CHD7: variants seen among roughly 807,000 people sequenced by gnomAD.
CHD7 encodes the protein chromodomain helicase DNA binding protein 7, also known as ATP-dependent chromatin remodeler CHD7.
Under a neutral mutation model 307.3 loss-of-function variants are expected in CHD7, and 24 were observed. The ratio of observed to expected loss-of-function variants is 0.08; its 90% CI spans 0.06 to 0.11. The LOEUF (loss-of-function observed/expected upper bound fraction) is 0.11. Ranked by LOEUF, CHD7 falls within the 10% of genes least tolerant of loss-of-function variation. CHD7 has a pLI of 1.00. For missense variants in CHD7, 3,106 were observed against 3,727.1 expected (o/e 0.83, Z 4.34); for synonymous variants, 1,363 against 1,349.9 (o/e 1.01, Z -0.21).
chr8:60,794,899 T>G, intron 3 of CHD7, 87 bp from the exon 4 acceptor site: 1 of 1,228,394 alleles, frequency 8.1e-7, no homozygotes, highest in Non-Finnish European at 1.1e-6. Context: ...TTGTCATTGA[T>G]ACTTTTGGGA....
chr8:60,737,628 T>C (rs550691996), intron 1 of CHD7, among the ~76,000 whole-genome samples: 1 of 152,226 alleles, frequency 6.6e-6, no homozygotes, highest in African/African-American at 2.4e-5. Context: ...CACATGCATC[T>C]TCTGAACTGT....
chr8:60,780,963 T>A (rs756830196), intron 2 of CHD7, 37 bp from the exon 3 acceptor site: 1 of 1,482,070 alleles, frequency 6.7e-7, no homozygotes, highest in African/African-American at 1.4e-5. Flanking sequence ...CTGTGAAGAA[T>A]GATAAACTAA....
Position 60,816,109 on chromosome 8 carries a change from G to GTCTCTCTC in CHD7, c.2499-275_2499-274insCTCTCTCT, listed in dbSNP as rs1175311453. Among the ~76,000 whole-genome samples, 100 of 67,042 alleles carry GTCTCTCTC rather than the reference G, an allele frequency of 1.5e-3. 1 individual carries two copies. The highest frequency in any genetic ancestry group is 2.0e-3 in the South Asian group (3 of 1,514). 44.0% of individuals were successfully genotyped at this position (67,042 alleles called of 152,430 possible). ...CTCTGTCTCTTTTGTCTGTCTGTCTGTCTGTCTCTCTCTCTCTCTCTCTCT... is the reference window on the plus strand; with the variant it reads ...CTCTGTCTCTTTTGTCTGTCTGTCTGTCTCTCTCTCTGTCTCTCTCTCTCTCTCTCTCT... On this transcript the variant is annotated intron_variant, in intron 7 of 37. Coordinates refer to ENST00000423902, the MANE Select transcript of CHD7 (RefSeq NM_017780.4).
chr8:60,771,076 G>A (rs575811221), intron 2 of CHD7, among the ~76,000 whole-genome samples: 1 of 152,318 alleles, frequency 6.6e-6, no homozygotes, highest in East Asian at 1.9e-4. Context: ...CTGGTTGTCT[G>A]GAACAGTGCT....
At chr8:60,766,680 G>A (rs1482900281) in intron 2 of CHD7, among the ~76,000 whole-genome samples, 2 of 152,224 alleles carry the variant, frequency 1.3e-5, no homozygotes, top group Non-Finnish European at 2.9e-5. Context: ...AAGACTAAGT[G>A]AAGGGTCAAG....
intron 1 of CHD7, among the ~76,000 whole-genome samples, chr8:60,709,993 A>T (rs1199167946): frequency 1.3e-5 from 2 of 152,040 alleles, no homozygotes; most frequent in East Asian, 1.9e-4. Context: ...TTATTTTTTT[A>T]AATTTCAGAT....
chr8:60,824,107 A>G (rs1433462379), intron 13 of CHD7, 91 bp downstream of exon 13: 3 of 1,102,812 alleles, frequency 2.7e-6, no homozygotes, highest in Non-Finnish European at 4.0e-6. Context: ...GCCTGTAAAC[A>G]GTATTTGAAA....
At position 60,841,858 on chromosome 8, in the gene CHD7, T is replaced by C. The variant is rs781715615; in HGVS notation, c.4656T>C (p.Val1552=). The C allele has an allele frequency of 3.7e-6, 6 of 1,607,850 alleles. 1 individual carries two copies. Among genetic ancestry groups the C allele is most frequent in the Middle Eastern group, 1.7e-4 (1 of 6,050 alleles). ...IDALNGRNNL[V]IDTPRVRKQT... ...TCTTTTATTATTAGAACAACCTGGT[T>C]ATTGATACTCCAAGAGTGAGAAAGC... is the stretch of plus-strand genomic sequence containing the variant. Residue 1552 remains valine, a synonymous_variant, in exon 21 of 38, where the codon GTT becomes GTC. Transcript: ENST00000423902.
In CHD7 at chr8:60,854,322, A is replaced by G. The variant is rs751649220; in HGVS notation, c.6776-41A>G. ...TCCTTTCTAAACTTCAGTTTCCCTG[A>G]TACTGTGGTTGTGAGTAATGCACAT... is the stretch of plus-strand genomic sequence containing the variant. On this transcript the variant is annotated intron_variant, in intron 31 of 37. Transcript: ENST00000423902. 6 of 1,586,836 alleles carry G rather than the reference A, an allele frequency of 3.8e-6. No individual in the cohort carries two copies. In the South Asian group the frequency reaches 4.5e-5, roughly 12 times the overall value.
intron 4 of CHD7, among the ~76,000 whole-genome samples, chr8:60,799,304 G>A (rs1455007995): frequency 1.3e-5 from 2 of 152,188 alleles, no homozygotes; most frequent in Non-Finnish European, 2.9e-5. Context: ...TTTAAGTTTT[G>A]ATAGATAGGA....
At chr8:60,718,031 T>C (rs1044521484) in intron 1 of CHD7, among the ~76,000 whole-genome samples, 4 of 152,176 alleles carry the variant, frequency 2.6e-5, no homozygotes, top group Non-Finnish European at 5.9e-5. Flanking sequence ...GGCATTGTTA[T>C]CATAGGAGAT....
intron 2 of CHD7, among the ~76,000 whole-genome samples, chr8:60,768,510 A>T (rs1251812493): frequency 6.6e-6 from 1 of 152,186 alleles, no homozygotes; most frequent in Non-Finnish European, 1.5e-5. Context: ...GCCCAGTGTT[A>T]GGGCCATCTG....
chr8:60,726,813 A>G (rs1340674007), intron 1 of CHD7, among the ~76,000 whole-genome samples: 1 of 152,098 alleles, frequency 6.6e-6, no homozygotes, highest in Non-Finnish European at 1.5e-5. Context: ...ATCAGAGTGG[A>G]AGCACATCCA....
chr8:60,819,249 A>C (rs1050870592), intron 8 of CHD7, among the ~76,000 whole-genome samples: 3 of 152,120 alleles, frequency 2.0e-5, no homozygotes, highest in African/African-American at 7.2e-5. Flanking sequence ...CACTGTGCCC[A>C]GCCTATAACT....
chr8:60,820,492 T>G (rs1275188818), intron 9 of CHD7, among the ~76,000 whole-genome samples: 1 of 152,210 alleles, frequency 6.6e-6, no homozygotes, highest in African/African-American at 2.4e-5. Flanking sequence ...GTGAAGTTGA[T>G]GAATTCATTT....
intron 2 of CHD7, among the ~76,000 whole-genome samples, chr8:60,749,040 C>A (rs943829700): frequency 1.3e-5 from 2 of 150,696 alleles, no homozygotes; most frequent in African/African-American, 2.4e-5. Context: ...CAAGTAGCAT[C>A]AATCTTATAC....
chr8:60,701,049 T>C (rs897764515), intron 1 of CHD7, among the ~76,000 whole-genome samples: 1 of 152,272 alleles, frequency 6.6e-6, no homozygotes, highest in African/African-American at 2.4e-5. Context: ...TGCTGACTTA[T>C]ACTTGATGCA....
At chr8:60,793,915 G>T (rs1281327115) in intron 3 of CHD7, among the ~76,000 whole-genome samples, 1 of 152,134 alleles carries the variant, frequency 6.6e-6, no homozygotes, top group African/African-American at 2.4e-5. Flanking sequence ...CTGAGGTCAG[G>T]AGTTCAAGAC....
intron 1 of CHD7, among the ~76,000 whole-genome samples, chr8:60,739,535 C>G (rs1052426808): frequency 6.6e-6 from 1 of 152,210 alleles, no homozygotes; most frequent in Non-Finnish European, 1.5e-5. Context: ...TTTCACCCAT[C>G]TGACCTCTGT....
Sources: gnomAD v4.1 joint callset for allele counts (sites outside exome capture counted in the v4.1 genomes callset) on GRCh38, gnomAD v4.1.1 for gene constraint, MANE v1.5 for transcripts, NCBI Gene and HGNC (gene_info 2026-07-23, HGNC 2026-07-21) for gene names.